Variants in ACSBG1 observed in about 807,000 individuals in gnomAD.
The protein encoded by ACSBG1 is long-chain-fatty-acid--CoA ligase ACSBG1.
ACSBG1 carries 39 observed loss-of-function variants against 80.2 expected under a neutral mutation model. That is an observed-to-expected ratio of 0.49 (90% CI 0.38 to 0.64). The LOEUF (loss-of-function observed/expected upper bound fraction) is 0.64, where lower values mean the gene tolerates loss of function less well. Ranked by LOEUF, ACSBG1 falls within the 30% of genes least tolerant of loss-of-function variation. The pLI, the probability that ACSBG1 is intolerant of heterozygous loss-of-function variation, is 0.00. For missense variants in ACSBG1, 828 were observed against 966.4 expected (o/e 0.86, Z 1.90); for synonymous variants, 392 against 379.5 (o/e 1.03, Z -0.38).
At chr15:78,212,283 C>T (rs182860459) in intron 1 of ACSBG1, among the ~76,000 whole-genome samples, 15 of 152,208 alleles carry the variant, frequency 9.9e-5, no homozygotes, top group African/African-American at 3.1e-4. Flanking sequence ...GTTTTCTGCC[C>T]GTATCCTGTG....
intron 1 of ACSBG1, among the ~76,000 whole-genome samples, chr15:78,217,692 G>A (rs908869282): frequency 1.3e-5 from 2 of 151,586 alleles, no homozygotes; most frequent in African/African-American, 2.4e-5. Context: ...TCAGCTCCCC[G>A]AGTAGCTGGG....
chr15:78,205,200 G>T (rs2075202245), intron 2 of ACSBG1, among the ~76,000 whole-genome samples: 2 of 152,070 alleles, frequency 1.3e-5, no homozygotes, highest in African/African-American at 2.4e-5. Context: ...GGCTGCCTTT[G>T]TGTGAAGGTC....
intron 1 of ACSBG1, among the ~76,000 whole-genome samples, chr15:78,209,530 G>A (rs150449084): frequency 6.6e-6 from 1 of 152,326 alleles, no homozygotes; most frequent in African/African-American, 2.4e-5. Flanking sequence ...ACTGACTTTG[G>A]ATCCTTGGTT....
intron 2 of ACSBG1, among the ~76,000 whole-genome samples, chr15:78,201,740 T>C (rs2086997509): frequency 6.6e-6 from 1 of 152,068 alleles, no homozygotes; most frequent in African/African-American, 2.4e-5. Context: ...CTCTGGACAA[T>C]GAGTTAGAAG....
At position 78,168,685 on chromosome 15, in the gene ACSBG1, G is replaced by T. The variant is rs768543695; in HGVS notation, c.*2759C>A. Reference sequence around the variant, plus strand: ...TTGGTAAAGCTCCCTGCCTCCCTTTGCATCAAGAGCACCTTATTCTTTGCA... The same window carrying T: ...TTGGTAAAGCTCCCTGCCTCCCTTTTCATCAAGAGCACCTTATTCTTTGCA... On this transcript the variant is annotated 3_prime_UTR_variant, in exon 14 of 14. Coordinates refer to ENST00000258873, the MANE Select transcript of ACSBG1 (RefSeq NM_015162.5). 3.0e-6 allele frequency: 1 copy of T among 327,910 alleles called. No individual in the cohort carries two copies. Among genetic ancestry groups the T allele is most frequent in the Non-Finnish European group, 5.6e-6 (1 of 178,994 alleles). 20.3% of individuals were successfully genotyped at this position (327,910 alleles called of 1,614,324 possible).
intron 8 of ACSBG1, among the ~76,000 whole-genome samples, chr15:78,181,377 A>G (rs1195480811): frequency 6.6e-6 from 1 of 150,580 alleles, no homozygotes; most frequent in Non-Finnish European, 1.5e-5. Context: ...TGAAGCTGGG[A>G]TTCAGGGAAG....
chr15:78,208,837 C>A (rs2075242147), intron 1 of ACSBG1, among the ~76,000 whole-genome samples: 1 of 152,240 alleles, frequency 6.6e-6, no homozygotes, highest in South Asian at 2.1e-4. Context: ...ATTATCCTTT[C>A]AGCCTGACTG....
chr15:78,197,632 T>A (rs977440836), intron 2 of ACSBG1, among the ~76,000 whole-genome samples: 1 of 149,778 alleles, frequency 6.7e-6, no homozygotes, highest in Non-Finnish European at 1.5e-5. Flanking sequence ...GGCATGAGAA[T>A]TGCTTGAACC....
At chr15:78,192,097 G>T (rs570689987) in intron 5 of ACSBG1, among the ~76,000 whole-genome samples, 1 of 152,240 alleles carries the variant, frequency 6.6e-6, no homozygotes, top group Non-Finnish European at 1.5e-5. Flanking sequence ...CTGTGAGAAC[G>T]CCAGCTGAGG....
intron 1 of ACSBG1, among the ~76,000 whole-genome samples, chr15:78,224,705 A>G (rs1336326504): frequency 6.6e-6 from 1 of 151,312 alleles, no homozygotes; most frequent in Non-Finnish European, 1.5e-5. Flanking sequence ...TGGGCGACAG[A>G]GCGAGACTCC....
rs547954565 is a variant in ACSBG1 at position 78,175,777 on chromosome 15, G to A, written c.1703-1253C>T. ...GGCTAGAGAGGAATCCATGGCAAGT[G>A]TCTATATGATCAGGGTTTGTCTAGG... On this transcript the variant is annotated intron_variant, in intron 11 of 13. Transcript: ENST00000258873. 3.9e-5 allele frequency among the ~76,000 whole-genome samples: 6 copies of A among 152,278 alleles called. No individual in the cohort carries two copies. In the South Asian group the frequency reaches 1.2e-3, roughly 32 times the overall value.
At chr15:78,186,007 T>C (rs1442768360) in intron 5 of ACSBG1, among the ~76,000 whole-genome samples, 2 of 152,122 alleles carry the variant, frequency 1.3e-5, no homozygotes, top group Non-Finnish European at 2.9e-5. Context: ...TTATAAGAAA[T>C]GTTAAAGAAA....
chr15:78,173,931 T>G (rs1371274234), intron 12 of ACSBG1, 92 bp from the exon 13 acceptor site: 6 of 1,423,194 alleles, frequency 4.2e-6, no homozygotes, highest in Non-Finnish European at 5.7e-6. Flanking sequence ...TCGGCAAGGG[T>G]GTGAATCATG....
At position 78,171,317 on chromosome 15, in the gene ACSBG1, G is replaced by T; in HGVS notation, c.*127C>A. The T allele has an allele frequency of 1.5e-6, 1 of 687,880 alleles. No homozygotes were observed. Among genetic ancestry groups the T allele is most frequent in the South Asian group, 1.9e-5 (1 of 54,002 alleles). The allele number at this position is 687,880 out of a possible 1,614,324, so 42.6% of individuals were successfully genotyped here. On this transcript the variant is annotated 3_prime_UTR_variant, in exon 14 of 14. Coordinates refer to ENST00000258873, the MANE Select transcript of ACSBG1 (RefSeq NM_015162.5). The stretch of plus-strand genomic sequence containing the variant: ...CTGGTAAATGTAGAGCCAGTGCTGT[G>T]CCCTGACCTGGAGATCTAACAGACT...
rs2074805214 is a variant in ACSBG1 at position 78,170,394 on chromosome 15, G to C, written c.*1050C>G. 2.0e-5 allele frequency: 3 copies of C among 151,650 alleles called. No individual in the cohort carries two copies. The highest frequency in any genetic ancestry group is 7.3e-5 in the African/African-American group (3 of 41,264). 9.4% of individuals were successfully genotyped at this position (151,650 alleles called of 1,614,324 possible). A position where few individuals can be genotyped will look rare whatever the true frequency, so the allele number is the denominator to read the frequency against. ...TTTTTAGCAATGATATCCCTGTCTG[G>C]GTCACTTTTTAAGCTTGTAACCGCC... On this transcript the variant is annotated 3_prime_UTR_variant, in exon 14 of 14. Coordinates refer to ENST00000258873, the MANE Select transcript of ACSBG1 (RefSeq NM_015162.5).
At chr15:78,229,895 T>C (rs2075432402) in intron 1 of ACSBG1, among the ~76,000 whole-genome samples, 1 of 152,168 alleles carries the variant, frequency 6.6e-6, no homozygotes, top group African/African-American at 2.4e-5. Flanking sequence ...GCCCAGGAGT[T>C]AGCCGGTCCC....
intron 2 of ACSBG1, among the ~76,000 whole-genome samples, chr15:78,200,426 A>G (rs112694748): frequency 3.3e-5 from 5 of 152,272 alleles, no homozygotes; most frequent in African/African-American, 1.2e-4. Context: ...CAGCTGGAAG[A>G]GGAGATTCTG....
chr15:78,185,966 G>A (rs961100563), intron 5 of ACSBG1, among the ~76,000 whole-genome samples: 2 of 152,112 alleles, frequency 1.3e-5, no homozygotes, highest in Admixed American at 6.5e-5. Flanking sequence ...ACAAAGACAA[G>A]CTGAAAGAAT....
In ACSBG1 at chr15:78,177,570, T is replaced by C. The variant is rs2074894613; in HGVS notation, c.1702+1044A>G. Reference sequence around the variant, plus strand: ...AAAGAGGCACACTAGGCGGCGCCCATGGCACATCCAAGCAGTCACCTGTTG... The same window carrying C: ...AAAGAGGCACACTAGGCGGCGCCCACGGCACATCCAAGCAGTCACCTGTTG... On this transcript the variant is annotated intron_variant, in intron 11 of 13. Coordinates refer to ENST00000258873, the MANE Select transcript of ACSBG1 (RefSeq NM_015162.5). The surrounding 1 kb of genome is among the most constrained non-coding windows in gnomAD (Gnocchi z 4.1). Among the ~76,000 whole-genome samples, 2 of 152,136 alleles carry C rather than the reference T, an allele frequency of 1.3e-5. No individual in the cohort carries two copies. Among genetic ancestry groups the C allele is most frequent in the South Asian group, 2.1e-4 (1 of 4,820 alleles).
Sources: allele counts gnomAD v4.1 joint callset (sites outside exome capture counted in the v4.1 genomes callset), GRCh38; gene constraint gnomAD v4.1.1; non-coding constraint Gnocchi (gnomAD v3.1); transcripts MANE v1.5; gene names NCBI Gene and HGNC (gene_info 2026-07-23, HGNC 2026-07-21).